Variants in SORCS2 observed in about 807,000 individuals in gnomAD.
The protein encoded by SORCS2 is sortilin related VPS10 domain containing receptor 2, also known as VPS10 domain-containing receptor SorCS2.
In SORCS2, 100 loss-of-function variants were observed where a neutral mutation model predicts 141.6. That is an observed-to-expected ratio of 0.71 (90% confidence interval 0.60 to 0.83). SORCS2 has a LOEUF of 0.83. Ranked by LOEUF, SORCS2 falls within the 40% of genes least tolerant of loss-of-function variation. The pLI, the probability that SORCS2 is intolerant of heterozygous loss-of-function variation, is 0.00. For missense variants in SORCS2, 1,646 were observed against 1,560.2 expected, an observed-to-expected ratio of 1.05 and a Z score of -0.93; for synonymous variants, 789 against 676.9, an observed-to-expected ratio of 1.17 and a Z score of -2.57.
At chr4:7,340,535 A>T (rs1032850754) in intron 1 of SORCS2, among the ~76,000 whole-genome samples, 1 of 152,228 alleles carries the variant, frequency 6.6e-6, no homozygotes, top group Admixed American at 6.5e-5. Context: ...TCTGTGAATC[A>T]GCTCAGGCTG....
At chr4:7,512,681 G>GC (rs1031557001) in intron 2 of SORCS2, among the ~76,000 whole-genome samples, 17 of 151,004 alleles carry the variant, frequency 1.1e-4, no homozygotes, top group Non-Finnish European at 2.4e-4. Flanking sequence ...TCCCCGCCCT[G>GC]CTCAGTCCCA....
At chr4:7,561,244 C>A (rs962782106) in intron 3 of SORCS2, among the ~76,000 whole-genome samples, 1 of 152,070 alleles carries the variant, frequency 6.6e-6, no homozygotes, top group African/African-American at 2.4e-5. Flanking sequence ...GACATGGGAA[C>A]AAGAGAATCA....
chr4:7,253,457 G>A (rs1390839863), intron 1 of SORCS2, among the ~76,000 whole-genome samples: 7 of 152,340 alleles, frequency 4.6e-5, no homozygotes, highest in Middle Eastern at 3.4e-3. Context: ...CAGGCCCAGC[G>A]AAGGCACTAC....
chr4:7,399,259 C>G (rs1352090660), intron 2 of SORCS2, among the ~76,000 whole-genome samples: 3 of 152,006 alleles, frequency 2.0e-5, no homozygotes, highest in African/African-American at 7.3e-5. Flanking sequence ...CACCCTCTGT[C>G]TGCATTTGAG....
chr4:7,255,497 G>A (rs1713795118), intron 1 of SORCS2, among the ~76,000 whole-genome samples: 1 of 152,250 alleles, frequency 6.6e-6, no homozygotes, highest in South Asian at 2.1e-4. Flanking sequence ...GGAGGCGGCT[G>A]TGATGGGGGT....
chr4:7,344,796 C>A (rs191632358), intron 1 of SORCS2, among the ~76,000 whole-genome samples: 276 of 152,314 alleles, frequency 1.8e-3, no homozygotes, highest in African/African-American at 6.3e-3. Context: ...TGCACCTCAC[C>A]CCTGATTCCC....
chr4:7,357,894 T>C (rs1721349844), intron 1 of SORCS2, among the ~76,000 whole-genome samples: 1 of 152,196 alleles, frequency 6.6e-6, no homozygotes, highest in Non-Finnish European at 1.5e-5. Flanking sequence ...ATTCTGTCTG[T>C]CTAAACACGG....
chr4:7,211,204 G>A (rs536545952), intron 1 of SORCS2, among the ~76,000 whole-genome samples: 3 of 140,088 alleles, frequency 2.1e-5, no homozygotes, highest in Non-Finnish European at 4.6e-5. Context: ...CAGAGGTGGC[G>A]GGAGGAGCAG....
intron 1 of SORCS2, among the ~76,000 whole-genome samples, chr4:7,374,174 T>TTTCTTC (rs1722476023): frequency 7.3e-6 from 1 of 136,506 alleles, no homozygotes; most frequent in African/African-American, 2.8e-5. Context: ...TTTCTTTCTT[T>TTTCTTC]CTTTCTTTCT....
chr4:7,646,956 AG>A (rs565547024), intron 4 of SORCS2, among the ~76,000 whole-genome samples: 65 of 152,186 alleles, frequency 4.3e-4, no homozygotes, highest in Middle Eastern at 3.4e-3. Flanking sequence ...GCTACACCAG[AG>A]GGGGTTTGGT....
chr4:7,726,737 G>T (rs1727244282), intron 20 of SORCS2, 43 bp from the exon 21 acceptor site: 4 of 1,601,136 alleles, frequency 2.5e-6, no homozygotes, highest in African/African-American at 1.3e-5. Flanking sequence ...CACGGCCGCT[G>T]CCTCACTCGG....
chr4:7,277,452 C>T (rs1295027273), intron 1 of SORCS2, among the ~76,000 whole-genome samples: 4 of 152,142 alleles, frequency 2.6e-5, no homozygotes, highest in East Asian at 1.9e-4. Context: ...AGATGAGAAA[C>T]GTGGCCCAGT....
intron 11 of SORCS2, among the ~76,000 whole-genome samples, chr4:7,691,990 C>T (rs1212313655): frequency 1.3e-5 from 2 of 151,880 alleles, no homozygotes; most frequent in African/African-American, 2.4e-5. Context: ...TCCCTCCCTG[C>T]TTGCCCCCCA....
chr4:7,371,822 G>A (rs542721326), intron 1 of SORCS2, among the ~76,000 whole-genome samples: 1 of 152,334 alleles, frequency 6.6e-6, no homozygotes, highest in African/African-American at 2.4e-5. Context: ...TCTGACGGAG[G>A]CGCTGTGTTG....
chr4:7,430,222 T>C (rs984394660), intron 2 of SORCS2: 4 of 151,046 alleles, frequency 2.6e-5, no homozygotes, highest in Admixed American at 1.3e-4. Context: ...TGCTCTTCCA[T>C]GCTTTCCAGG....
intron 2 of SORCS2, among the ~76,000 whole-genome samples, chr4:7,527,172 C>A (rs1157492704): frequency 6.6e-6 from 1 of 152,346 alleles, no homozygotes; most frequent in Middle Eastern, 3.4e-3. Context: ...TGCTCCCGAA[C>A]CAGCTCCTAC....
intron 3 of SORCS2, among the ~76,000 whole-genome samples, chr4:7,596,102 T>A (rs758917523): frequency 5.3e-5 from 8 of 152,224 alleles, no homozygotes; most frequent in Non-Finnish European, 1.0e-4. Flanking sequence ...TCCTGTTGTG[T>A]CTTTGGATCC....
intron 3 of SORCS2, among the ~76,000 whole-genome samples, chr4:7,548,744 C>T (rs1444128179): frequency 2.0e-5 from 3 of 152,114 alleles, no homozygotes; most frequent in Admixed American, 2.0e-4. Context: ...GTGGGCTGGC[C>T]AGCATCCACG....
At chr4:7,240,526 G>A (rs1039433502) in intron 1 of SORCS2, among the ~76,000 whole-genome samples, 4 of 152,074 alleles carry the variant, frequency 2.6e-5, no homozygotes, top group Admixed American at 1.3e-4. Flanking sequence ...ACGTTTCCCC[G>A]TCCTCGTGGT....
Sources: allele counts gnomAD v4.1 joint callset (sites outside exome capture counted in the v4.1 genomes callset), GRCh38; gene constraint gnomAD v4.1.1; transcripts MANE v1.5; gene names NCBI Gene and HGNC (gene_info 2026-07-23, HGNC 2026-07-21).